CMIP: variants seen among roughly 807,000 people sequenced by gnomAD.
The protein encoded by CMIP is c-Maf inducing protein, also known as C-Maf-inducing protein.
In CMIP, 13 loss-of-function variants were observed where a neutral mutation model predicts 97.3. The ratio of observed to expected loss-of-function variants is 0.13; its 90% CI spans 0.09 to 0.21. CMIP has a LOEUF of 0.21. Among genes scored for constraint, CMIP ranks in the 10% least tolerant of loss-of-function variants. The pLI is 1.00. For missense variants in CMIP, 847 were observed against 1,024.9 expected (o/e 0.83, Z 2.37); for synonymous variants, 538 against 436.3 (o/e 1.23, Z -2.91).
At chr16:81,585,665 C>G (rs958028265) in intron 1 of CMIP, among the ~76,000 whole-genome samples, 1 of 127,370 alleles carries the variant, frequency 7.9e-6, no homozygotes, top group African/African-American at 2.6e-5. Flanking sequence ...ACGGCAGACA[C>G]CGCATGGCAC....
intron 1 of CMIP, among the ~76,000 whole-genome samples, chr16:81,481,593 G>T (rs779907054): frequency 6.6e-6 from 1 of 152,204 alleles, no homozygotes; most frequent in Admixed American, 6.5e-5. Flanking sequence ...CTGAGGTCTT[G>T]GGGGGATGGG....
At chr16:81,575,448 C>T (rs1481809755) in intron 1 of CMIP, among the ~76,000 whole-genome samples, 3 of 152,184 alleles carry the variant, frequency 2.0e-5, no homozygotes, top group African/African-American at 7.2e-5. Context: ...CTACAGGGAG[C>T]AGAAAACATT....
intron 1 of CMIP, among the ~76,000 whole-genome samples, chr16:81,480,836 C>T (rs1323346524): frequency 6.6e-6 from 1 of 152,184 alleles, no homozygotes; most frequent in East Asian, 1.9e-4. Context: ...GTTTGCCTCA[C>T]TTATCATGGA....
chr16:81,517,336 A>G (rs1264539012), intron 1 of CMIP, among the ~76,000 whole-genome samples: 2 of 152,280 alleles, frequency 1.3e-5, no homozygotes, highest in East Asian at 1.9e-4. Flanking sequence ...ATGTCTTAGT[A>G]CATTGATTCT....
intron 1 of CMIP, among the ~76,000 whole-genome samples, chr16:81,550,466 C>T (rs2090630688): frequency 6.6e-6 from 1 of 152,200 alleles, no homozygotes. Flanking sequence ...TCTTTCTGCT[C>T]ATGCCCCCCT....
intron 1 of CMIP, among the ~76,000 whole-genome samples, chr16:81,447,321 C>G (rs1567520339): frequency 6.6e-6 from 1 of 151,728 alleles, no homozygotes; most frequent in African/African-American, 2.4e-5. Context: ...GAACAGTGAC[C>G]TGCCATGGGA....
chr16:81,566,710 G>C (rs891890041), intron 1 of CMIP, among the ~76,000 whole-genome samples: 1 of 152,170 alleles, frequency 6.6e-6, no homozygotes, highest in Non-Finnish European at 1.5e-5. Flanking sequence ...AGAATATTCA[G>C]AGCAGCCTTA....
intron 3 of CMIP, among the ~76,000 whole-genome samples, chr16:81,629,587 C>G (rs1193947819): frequency 3.9e-5 from 6 of 152,240 alleles, no homozygotes; most frequent in Admixed American, 2.6e-4. Context: ...TTTACGATCA[C>G]TTCAAGGTCA....
intron 1 of CMIP, among the ~76,000 whole-genome samples, chr16:81,480,652 G>A (rs1209697995): frequency 6.6e-6 from 1 of 152,228 alleles, no homozygotes; most frequent in Non-Finnish European, 1.5e-5. Context: ...TGCTACTTAT[G>A]TGTTTGCTAT....
intron 1 of CMIP, among the ~76,000 whole-genome samples, chr16:81,591,112 T>C (rs974847377): frequency 5.9e-5 from 9 of 152,258 alleles, no homozygotes; most frequent in Non-Finnish European, 4.4e-5. Flanking sequence ...TTATAGCAGA[T>C]TCAAATCCTG....
At chr16:81,534,572 T>C (rs1185718705) in intron 1 of CMIP, among the ~76,000 whole-genome samples, 1 of 152,162 alleles carries the variant, frequency 6.6e-6, no homozygotes, top group East Asian at 1.9e-4. Flanking sequence ...TCTTAATTAG[T>C]GACTTCTTAA....
At chr16:81,568,781 G>A (rs375852715) in intron 1 of CMIP, among the ~76,000 whole-genome samples, 7 of 152,340 alleles carry the variant, frequency 4.6e-5, no homozygotes, top group African/African-American at 1.7e-4. Flanking sequence ...TGGAAAAGCA[G>A]ACCAGCAACC....
chr16:81,445,362 C>T lies in CMIP; in HGVS notation c.121C>T (p.Arg41Cys), dbSNP rs1248949487. Residue 41 changes from arginine (R) to cysteine (C), a missense_variant, in exon 1 of 21, where the codon CGC becomes TGC. By Grantham distance (180) the Arg-to-Cys change is radical. This residue lies in a region of CMIP where 94 missense variants were observed against 79.9 expected (regional missense o/e 1.18). Transcript: ENST00000537098. ...EGTKMGAVPC[R>C]RALLLCNGMR... is the part of the protein sequence containing the mutation. ...CACGAAGATGGGCGCCGTGCCCTGCCGCCGGGCTCTTCTGCTTTGCAACGG... is the reference window on the plus strand; with the variant it reads ...CACGAAGATGGGCGCCGTGCCCTGCTGCCGGGCTCTTCTGCTTTGCAACGG... 3.1e-6 allele frequency: 5 copies of T among 1,603,406 alleles called. No individual in the cohort carries two copies. The highest frequency in any genetic ancestry group is 4.3e-6 in the Non-Finnish European group (5 of 1,175,450).
intron 1 of CMIP, among the ~76,000 whole-genome samples, chr16:81,572,126 T>A (rs1054011556): frequency 1.3e-5 from 2 of 152,204 alleles, no homozygotes; most frequent in African/African-American, 4.8e-5. Context: ...CGGGGGCTCT[T>A]TTGCATGTTC....
At chr16:81,577,968 A>G (rs866524965) in intron 1 of CMIP, among the ~76,000 whole-genome samples, 15 of 123,674 alleles carry the variant, frequency 1.2e-4, no homozygotes, top group South Asian at 7.1e-4. Flanking sequence ...TTACCACTAC[A>G]TTATTATCAC....
intron 2 of CMIP, among the ~76,000 whole-genome samples, chr16:81,608,960 A>G (rs2091786741): frequency 6.6e-6 from 1 of 152,184 alleles, no homozygotes; most frequent in South Asian, 2.1e-4. Flanking sequence ...GTGTAACAGC[A>G]TTGGGCTGAG....
intron 1 of CMIP, among the ~76,000 whole-genome samples, chr16:81,537,482 C>G (rs1477054503): frequency 2.8e-5 from 4 of 144,310 alleles, no homozygotes; most frequent in Non-Finnish European, 6.0e-5. Flanking sequence ...TCGCTCTGAG[C>G]CAAGATTGCA....
At chr16:81,459,013 C>T (rs1436249928) in intron 1 of CMIP, among the ~76,000 whole-genome samples, 1 of 148,518 alleles carries the variant, frequency 6.7e-6, no homozygotes, top group African/African-American at 2.4e-5. Flanking sequence ...TCACCGTCAC[C>T]GTCACCATCA....
At chr16:81,678,966 A>G (rs1904583997) in intron 10 of CMIP, among the ~76,000 whole-genome samples, 1 of 152,240 alleles carries the variant, frequency 6.6e-6, no homozygotes, top group Non-Finnish European at 1.5e-5. Context: ...TGCAAGGTGC[A>G]TGCCCAAGCA....
Sources: gnomAD v4.1 joint callset for allele counts (sites outside exome capture counted in the v4.1 genomes callset) on GRCh38, gnomAD v4.1.1 for gene constraint, gnomAD v4.1.1 regional missense constraint, MANE v1.5 for transcripts, NCBI Gene and HGNC (gene_info 2026-07-23, HGNC 2026-07-21) for gene names.